The following SLC9A3 variants were observed in gnomAD, a reference collection of about 807,000 sequenced individuals.
SLC9A3 encodes solute carrier family 9 member A3, also known as sodium/hydrogen exchanger 3.
In SLC9A3, 37 loss-of-function variants were observed where a neutral mutation model predicts 86.8. The observed-to-expected ratio is 0.43, with a 90% CI of 0.33 to 0.56. SLC9A3 has a LOEUF of 0.56. Ranked by LOEUF, SLC9A3 falls within the 20% of genes least tolerant of loss-of-function variation. The pLI, the probability that SLC9A3 is intolerant of heterozygous loss-of-function variation, is 0.06. For synonymous variants in SLC9A3, 581 were observed against 528.3 expected, an observed-to-expected ratio of 1.10 and a Z score of -1.37; for missense variants, 1,011 against 1,171.9, an observed-to-expected ratio of 0.86 and a Z score of 2.00.
intron 2 of SLC9A3, among the ~76,000 whole-genome samples, chr5:490,066 G>A (rs1377266596): frequency 6.6e-6 from 1 of 152,250 alleles, no homozygotes; most frequent in Non-Finnish European, 1.5e-5. Flanking sequence ...CTGGTCTGCA[G>A]AGATCAGTTG....
At chr5:499,729 C>T (rs923102427) in intron 1 of SLC9A3, among the ~76,000 whole-genome samples, 19 of 152,212 alleles carry the variant, frequency 1.2e-4, no homozygotes, top group African/African-American at 4.6e-4. Flanking sequence ...GGCTCTAGAA[C>T]GGGAGGGAGG....
chr5:503,970 C>T (rs1373711516), intron 1 of SLC9A3, among the ~76,000 whole-genome samples: 1 of 152,158 alleles, frequency 6.6e-6, no homozygotes, highest in African/African-American at 2.4e-5. Context: ...CTCAGGGTCC[C>T]ACCCACCCCC....
rs368013248 is a variant in SLC9A3, at chr5:491,373, C to G, written c.514+396G>C. On this transcript the variant is annotated intron_variant, in intron 2 of 16. Transcript: ENST00000264938. The surrounding 1 kb of genome is among the most constrained non-coding windows in gnomAD (Gnocchi z 9.2). ...GGCTGTGGCTGCAGCGGTGGCCGAG[C>G]GGCTCCGGCACACAGGCTGGGAGGG... 6.6e-6 allele frequency among the ~76,000 whole-genome samples: 1 copy of G among 152,252 alleles called. No homozygotes were observed. Among genetic ancestry groups the G allele is most frequent in the African/African-American group, 2.4e-5 (1 of 41,536 alleles).
intron 11 of SLC9A3, 30 bp downstream of exon 11, chr5:477,302 C>T (rs1410653946): frequency 1.3e-6 from 2 of 1,488,266 alleles, no homozygotes; most frequent in Admixed American, 1.9e-5. Flanking sequence ...GGCTCTTCCC[C>T]AGGGAAGCTG....
intron 10 of SLC9A3, 192 bp downstream of exon 10, chr5:479,644 A>T (rs1739024002): frequency 1.7e-6 from 1 of 587,744 alleles, no homozygotes; most frequent in Non-Finnish European, 3.0e-6. Context: ...GGACTCTGTG[A>T]CTCAGTTTAC....
intron 12 of SLC9A3, 44 bp downstream of exon 12, chr5:476,499 G>C (rs765304460): frequency 3.7e-6 from 6 of 1,604,042 alleles, no homozygotes; most frequent in East Asian, 2.2e-5. Flanking sequence ...GCCGCCCCAC[G>C]GGGTCCCTGC....
chr5:476,417 G>A, intron 12 of SLC9A3, 39 bp from the exon 13 acceptor site: 1 of 1,609,646 alleles, frequency 6.2e-7, no homozygotes, highest in South Asian at 1.1e-5. Flanking sequence ...TGTGCCCACC[G>A]CCGGACATTC....
intron 6 of SLC9A3, 91 bp downstream of exon 6, chr5:483,171 A>G (rs1182703794): frequency 4.0e-6 from 4 of 1,008,546 alleles, no homozygotes; most frequent in Non-Finnish European, 4.4e-6. Flanking sequence ...CTGCACCTCC[A>G]TCTCCCTGGG....
chr5:485,080 C>CTGCAGGCCAGAGAAGA, intron 4 of SLC9A3, 73 bp downstream of exon 4: 3 of 1,136,850 alleles, frequency 2.6e-6, no homozygotes, highest in Non-Finnish European at 4.0e-6. Context: ...CCTGCATGGG[C>CTGCAGGCCAGAGAAGA]TGCAGGCCAG....
In SLC9A3 at chr5:475,685, G is replaced by A. The variant is rs1466228997; in HGVS notation, c.2141-14C>T. ...AAAGTTCCAAGTCTGGGGAAGACAG[G>A]TTGGGGTGAGGACTGGGGTCACTGG... On this transcript the variant is annotated splice_polypyrimidine_tract_variant and intron_variant, in intron 14 of 16. Coordinates refer to ENST00000264938, the MANE Select transcript of SLC9A3 (RefSeq NM_004174.4). 8 of 1,456,308 alleles carry A rather than the reference G, an allele frequency of 5.5e-6. No individual in the cohort carries two copies. Among genetic ancestry groups the A allele is most frequent in the Middle Eastern group, 1.7e-4 (1 of 5,822 alleles). The allele number at this position is 1,456,308 out of a possible 1,614,324, so 90.2% of individuals were successfully genotyped here. A position where few individuals can be genotyped will look rare whatever the true frequency, so the allele number is the denominator to read the frequency against.
At chr5:485,726 C>T (rs1329911934) in intron 3 of SLC9A3, among the ~76,000 whole-genome samples, 1 of 152,242 alleles carries the variant, frequency 6.6e-6, no homozygotes, top group Non-Finnish European at 1.5e-5. Context: ...GGCCGAGGGC[C>T]GTCCTGGGTG....
At position 481,597 on chromosome 5, in the gene SLC9A3, G is replaced by A. The variant is rs143965097; in HGVS notation, c.1485C>T (p.Ser495=). The change falls in exon 9 of 17, where the codon TCC becomes TCT. Residue 495 remains serine, a synonymous_variant. Coordinates refer to ENST00000264938, the MANE Select transcript of SLC9A3 (RefSeq NM_004174.4). ...TGAGATAATTGTGCCCGATCTGTCCGGATATGTCCTCGATGGCCGAGAGGA... is the reference window on the plus strand; with the variant it reads ...TGAGATAATTGTGCCCGATCTGTCCAGATATGTCCTCGATGGCCGAGAGGA... The part of the protein sequence containing the change: ...DHILSAIEDI[S]GQIGHNYLRD... 4.8e-5 allele frequency: 78 copies of A among 1,613,920 alleles called. No homozygotes were observed. Among genetic ancestry groups the A allele is most frequent in the Non-Finnish European group, 6.2e-5 (73 of 1,179,952 alleles).
intron 1 of SLC9A3, among the ~76,000 whole-genome samples, chr5:507,412 A>G (rs1579816617): frequency 2.0e-5 from 3 of 150,996 alleles, no homozygotes; most frequent in African/African-American, 7.3e-5. Flanking sequence ...TGCCCAGGCG[A>G]GCACCACCAG....
chr5:473,242 TGGGCGAGGCG>T lies in SLC9A3; in HGVS notation c.*127_*136del. On this transcript the variant is annotated 3_prime_UTR_variant, in exon 17 of 17. Transcript: ENST00000264938. ...TCGGAGTTCTGCGCAGGCGCTGGCG[TGGGCGAGGCG>T]GGGCTCGGGGCTCGCGGTCGCTGTA... The T allele has an allele frequency of 1.0e-6, 1 of 976,506 alleles. No individual in the cohort carries two copies. The allele number at this position is 976,506 out of a possible 1,614,324, so 60.5% of individuals were successfully genotyped here.
chr5:480,157 AG>A, intron 9 of SLC9A3, 192 bp from the exon 10 acceptor site: 1 of 583,198 alleles, frequency 1.7e-6, no homozygotes, highest in Non-Finnish European at 3.0e-6. Flanking sequence ...TGTTGGATGG[AG>A]GCCGTTAGAC....
At chr5:509,473 AGGAG>A (rs571336935) in intron 1 of SLC9A3, among the ~76,000 whole-genome samples, 1,733 of 80,298 alleles carry the variant, frequency 0.022, 47 homozygotes, top group African/African-American at 0.074. Context: ...GAGGGAGGGA[AGGAG>A]GGAGGGAGGG....
Position 477,343 on chromosome 5 carries a change from G to C in SLC9A3, c.1749C>G (p.Val583=). The C allele has an allele frequency of 6.2e-7, 1 of 1,607,498 alleles. No individual in the cohort carries two copies. The highest frequency in any genetic ancestry group is 8.5e-7 in the Non-Finnish European group (1 of 1,175,710). ...CCATGGCCACATACAGGAGGTAGGA[G>C]ACAGAGGCCTCCACGGTGGACGATC... ...TPRSSTVEAS[V]SYLLRENVSA... is the part of the protein sequence containing the mutation. Residue 583 remains valine, a synonymous_variant, in exon 11 of 17, where the codon GTC becomes GTG. Coordinates refer to ENST00000264938, the MANE Select transcript of SLC9A3 (RefSeq NM_004174.4).
intron 16 of SLC9A3, among the ~76,000 whole-genome samples, chr5:473,692 G>A (rs1344828813): frequency 2.0e-5 from 3 of 152,204 alleles, no homozygotes; most frequent in Non-Finnish European, 4.4e-5. Flanking sequence ...GGTCCCCAAG[G>A]GGACCTGCTT....
intron 7 of SLC9A3, 133 bp from the exon 8 acceptor site, chr5:482,290 C>T: frequency 1.4e-6 from 1 of 725,354 alleles, no homozygotes; most frequent in South Asian, 1.7e-5. Flanking sequence ...CACCCAGCAA[C>T]CCGCGCCCCT....
Sources: gnomAD v4.1 joint callset for allele counts (sites outside exome capture counted in the v4.1 genomes callset) on GRCh38, gnomAD v4.1.1 for gene constraint, Gnocchi (gnomAD v3.1) non-coding constraint, MANE v1.5 for transcripts, NCBI Gene and HGNC (gene_info 2026-07-23, HGNC 2026-07-21) for gene names.